TLN2: variants seen among roughly 807,000 people sequenced by gnomAD.
The protein encoded by TLN2 is talin 2.
TLN2 carries 118 observed loss-of-function variants against 294.7 expected under a neutral mutation model. The observed-to-expected ratio is 0.40, with a 90% CI of 0.34 to 0.47. The LOEUF (loss-of-function observed/expected upper bound fraction) is 0.47, where lower values mean the gene tolerates loss of function less well. TLN2 is among the 20% of genes least tolerant of loss of function. The pLI, the probability that TLN2 is intolerant of heterozygous loss-of-function variation, is 0.84. For missense variants in TLN2, 3,083 were observed against 3,282.2 expected (o/e 0.94, Z 1.48); for synonymous variants, 1,431 against 1,304.5 (o/e 1.10, Z -2.09).
chr15:62,425,164 G>A (rs2034638185), intron 1 of TLN2, among the ~76,000 whole-genome samples: 1 of 152,064 alleles, frequency 6.6e-6, no homozygotes, highest in African/African-American at 2.4e-5. Context: ...TGTTGGCCAG[G>A]CTGGTCTCGA....
chr15:62,491,008 A>G (rs2038674267), intron 1 of TLN2, among the ~76,000 whole-genome samples: 1 of 152,164 alleles, frequency 6.6e-6, no homozygotes, highest in African/African-American at 2.4e-5. Context: ...TATACATTTT[A>G]CAGAAACATA....
intron 54 of TLN2, among the ~76,000 whole-genome samples, chr15:62,822,933 G>GT (rs2067704892): frequency 6.6e-6 from 1 of 152,174 alleles, no homozygotes; most frequent in Admixed American, 6.5e-5. Flanking sequence ...TAAAACAAAG[G>GT]TTTAAAAAAT....
At chr15:62,618,698 A>G (rs375322019) in intron 3 of TLN2, among the ~76,000 whole-genome samples, 1 of 152,302 alleles carries the variant, frequency 6.6e-6, no homozygotes, top group East Asian at 1.9e-4. Flanking sequence ...TGTTACTATG[A>G]AGGTGGTTGA....
At chr15:62,517,995 C>T (rs886146901) in intron 1 of TLN2, among the ~76,000 whole-genome samples, 8 of 151,586 alleles carry the variant, frequency 5.3e-5, no homozygotes, top group South Asian at 2.1e-4. Flanking sequence ...AAAGCACTGA[C>T]GTCAGACTGA....
At chr15:62,787,940 T>G (rs1437141984) in intron 45 of TLN2, among the ~76,000 whole-genome samples, 1 of 147,124 alleles carries the variant, frequency 6.8e-6, no homozygotes, top group Non-Finnish European at 1.5e-5. Flanking sequence ...GATCCACCCA[T>G]CTCAGCCTCC....
At chr15:62,527,063 T>G (rs1404526054) in intron 1 of TLN2, among the ~76,000 whole-genome samples, 1 of 152,194 alleles carries the variant, frequency 6.6e-6, no homozygotes, top group Admixed American at 6.5e-5. Context: ...TTCCTTTTGA[T>G]GCTTGGGAAG....
intron 9 of TLN2, among the ~76,000 whole-genome samples, chr15:62,659,189 A>G (rs1342690936): frequency 6.6e-6 from 1 of 152,154 alleles, no homozygotes; most frequent in Non-Finnish European, 1.5e-5. Context: ...CTCCCTGTGA[A>G]TTGAGAACAT....
chr15:62,598,030 C>T (rs948148463), intron 2 of TLN2, among the ~76,000 whole-genome samples: 3 of 152,270 alleles, frequency 2.0e-5, no homozygotes, highest in African/African-American at 7.2e-5. Flanking sequence ...TCACCCCAGG[C>T]TGTCGTGTGT....
chr15:62,561,949 C>G (rs1567102646), intron 1 of TLN2, among the ~76,000 whole-genome samples: 1 of 152,116 alleles, frequency 6.6e-6, no homozygotes, highest in Admixed American at 6.6e-5. Context: ...TGTTAGATCC[C>G]TGGAGCACCC....
At chr15:62,629,028 C>G (rs1183220545) in intron 3 of TLN2, among the ~76,000 whole-genome samples, 1 of 151,880 alleles carries the variant, frequency 6.6e-6, no homozygotes, top group African/African-American at 2.4e-5. Flanking sequence ...GAGATCCTGT[C>G]TCTAAAAAAA....
rs752740157 is a variant in TLN2, at chr15:62,737,052, C to T, written c.3533C>T (p.Pro1178Leu). 1.2e-6 allele frequency: 2 copies of T among 1,614,220 alleles called. No individual in the cohort carries two copies. Among genetic ancestry groups the T allele is most frequent in the East Asian group, 4.5e-5 (2 of 44,858 alleles). The change falls in exon 29 of 59, where the codon CCT (proline) becomes CTT (leucine). Residue 1178 changes from proline (P) to leucine (L), a missense_variant. Coordinates refer to ENST00000636159, the MANE Select transcript of TLN2 (RefSeq NM_015059.3). ...GAGGCCAAGCAGGCCCTGATTGCACCTGGAGATGCAGAGCGTCAACAAAGA... is the reference window on the plus strand; with the variant it reads ...GAGGCCAAGCAGGCCCTGATTGCACTTGGAGATGCAGAGCGTCAACAAAGA... ...IQEAKQALIA[P>L]GDAERQQRLA...
intron 1 of TLN2, among the ~76,000 whole-genome samples, chr15:62,406,734 G>T (rs932840247): frequency 2.0e-5 from 3 of 152,122 alleles, no homozygotes; most frequent in Admixed American, 1.3e-4. Context: ...CACCCTGGCT[G>T]TGTCTTAGCT....
intron 9 of TLN2, among the ~76,000 whole-genome samples, chr15:62,661,759 A>T (rs2053861349): frequency 6.6e-6 from 1 of 152,172 alleles, no homozygotes; most frequent in Non-Finnish European, 1.5e-5. Context: ...AAATGCATTG[A>T]AACTGATAAA....
intron 37 of TLN2, chr15:62,758,666 A>G (rs1194136310): frequency 1.3e-5 from 2 of 152,242 alleles, no homozygotes; most frequent in African/African-American, 4.8e-5. Flanking sequence ...GGCTGTGAGT[A>G]TGCTTTCTTG....
chr15:62,762,208 A>T, intron 38 of TLN2, 64 bp from the exon 39 acceptor site: 1 of 1,571,500 alleles, frequency 6.4e-7, no homozygotes, highest in East Asian at 2.2e-5. Context: ...AGGACCTTTC[A>T]GGGCCCACGT....
intron 1 of TLN2, among the ~76,000 whole-genome samples, chr15:62,450,719 C>G (rs918620646): frequency 6.6e-6 from 1 of 151,976 alleles, no homozygotes; most frequent in African/African-American, 2.4e-5. Context: ...AGTACTAGCT[C>G]CTGTGTGCTA....
chr15:62,430,699 A>C (rs1288937152), intron 1 of TLN2, among the ~76,000 whole-genome samples: 1 of 152,188 alleles, frequency 6.6e-6, no homozygotes, highest in African/African-American at 2.4e-5. Flanking sequence ...CATTGTGCTC[A>C]AACCCCATGT....
At chr15:62,625,239 C>T (rs2049178113) in intron 3 of TLN2, among the ~76,000 whole-genome samples, 1 of 152,094 alleles carries the variant, frequency 6.6e-6, no homozygotes, top group South Asian at 2.1e-4. Context: ...CCATGACCTA[C>T]TTTTCTGGTT....
At chr15:62,836,143 C>T in intron 57 of TLN2, 70 bp downstream of exon 57, 1 of 1,532,732 alleles carries the variant, frequency 6.5e-7, no homozygotes. Context: ...AGGGGACAAG[C>T]CTCACTTCCT....
Sources: allele counts gnomAD v4.1 joint callset (sites outside exome capture counted in the v4.1 genomes callset), GRCh38; gene constraint gnomAD v4.1.1; transcripts MANE v1.5; gene names NCBI Gene and HGNC (gene_info 2026-07-23, HGNC 2026-07-21).